Variants in MED23 observed in about 807,000 individuals in gnomAD.
The protein encoded by MED23 is mediator of RNA polymerase II transcription subunit 23.
MED23 carries 105 observed loss-of-function variants against 163.9 expected under a neutral mutation model. That is an observed-to-expected ratio of 0.64 (90% CI 0.55 to 0.75). The LOEUF is 0.75. Among genes scored for constraint, MED23 ranks in the 30% least tolerant of loss-of-function variants. The pLI is 0.00. For missense variants in MED23, 1,054 were observed against 1,649.0 expected (o/e 0.64, Z 6.25); for synonymous variants, 561 against 565.6 (o/e 0.99, Z 0.12).
chr6:131,602,563 T>C (rs1338583135), intron 16 of MED23, among the ~76,000 whole-genome samples, 182 bp from the exon 17 acceptor site: 1 of 152,204 alleles, frequency 6.6e-6, no homozygotes, highest in Non-Finnish European at 1.5e-5. Context: ...AATTTTATAG[T>C]GAAAATCGTG....
chr6:131,618,274 T>C, intron 9 of MED23, 133 bp downstream of exon 9: 2 of 734,252 alleles, frequency 2.7e-6, no homozygotes, highest in Non-Finnish European at 4.8e-6. Flanking sequence ...AATAACATGA[T>C]AAACTATAAA....
rs550128500 is a variant in MED23 at position 131,603,012 on chromosome 6, G to T, written c.1931+18C>A. 1.3e-4 allele frequency: 213 copies of T among 1,612,080 alleles called. 3 individuals are homozygous for T. In the South Asian group the frequency reaches 2.1e-3, roughly 16 times the overall value. ...TTTCTAATAAATCTTAAGGAAAGAT[G>T]GTCTTCAATGAGCTCACCAAAGATG... On this transcript the variant is annotated intron_variant, in intron 16 of 28. Coordinates refer to ENST00000368068, the MANE Select transcript of MED23 (RefSeq NM_004830.4).
chr6:131,619,842 T>C lies in MED23; in HGVS notation c.652A>G (p.Ile218Val), dbSNP rs1215722621. Residue 218 changes from isoleucine (I) to valine (V), a missense_variant, in exon 8 of 29, where the codon ATA becomes GTA. By Grantham distance (29) the Ile-to-Val change is conservative. Around this residue, in one of 11 missense-constraint regions of MED23, gnomAD observed 54 missense variants for 79.7 expected, o/e 0.68. Coordinates refer to ENST00000368068, the MANE Select transcript of MED23 (RefSeq NM_004830.4). Reference protein sequence around the residue: ...FVDTFRPTARINSICGRCSLL... With the variant: ...FVDTFRPTARVNSICGRCSLL... ...ATAATCCTACCACAAATGGAGTTTA[T>C]CCTTGCTGTGGGCCTGAAGGTATCC... 3.1e-6 allele frequency: 5 copies of C among 1,609,996 alleles called. No homozygotes were observed. The Admixed American group carries it at 8.3e-5, about 27-fold the overall frequency.
intron 30 of MED23, among the ~76,000 whole-genome samples, chr6:131,577,755 A>G (rs535523725): frequency 1.3e-5 from 2 of 152,004 alleles, no homozygotes; most frequent in South Asian, 4.2e-4. Flanking sequence ...TACAAAAAAA[A>G]ATAGCTGGGC....
At chr6:131,617,194 C>T (rs960144209) in intron 9 of MED23, among the ~76,000 whole-genome samples, 1 of 150,866 alleles carries the variant, frequency 6.6e-6, no homozygotes, top group Non-Finnish European at 1.5e-5. Context: ...AGTCATCTTA[C>T]GGCTTTCTAG....
chr6:131,619,808 T>G lies in MED23; in HGVS notation c.667+19A>C. The G allele has an allele frequency of 6.4e-7, 1 of 1,570,398 alleles. No individual in the cohort carries two copies. The highest frequency in any genetic ancestry group is 8.8e-7 in the Non-Finnish European group (1 of 1,141,098). The stretch of plus-strand genomic sequence containing the variant: ...TAAAAATCAGGTACTATTTGGCATA[T>G]TTAAAATTATAATCCTACCACAAAT... On this transcript the variant is annotated intron_variant, in intron 8 of 28. Transcript: ENST00000368068.
At position 131,615,503 on chromosome 6, in the gene MED23, C is replaced by CAAAAAAAAAAAAAAAA. The variant is rs917020235; in HGVS notation, c.876+388_876+403dup. Among the ~76,000 whole-genome samples, 14 of 14,160 alleles carry CAAAAAAAAAAAAAAAA rather than the reference C, an allele frequency of 9.9e-4. 4 individuals are homozygous for CAAAAAAAAAAAAAAAA. Among genetic ancestry groups the CAAAAAAAAAAAAAAAA allele is most frequent in the Admixed American group, 2.2e-3 (2 of 918 alleles). 9.3% of individuals were successfully genotyped at this position (14,160 alleles called of 152,430 possible). On this transcript the variant is annotated intron_variant, in intron 10 of 28. Coordinates refer to ENST00000368068, the MANE Select transcript of MED23 (RefSeq NM_004830.4). ...CCACCAAAAACAAGCAAACACACAC[C>CAAAAAAAAAAAAAAAA]AAAAAAAAAAAAAAAAAAAAAAAAA...
chr6:131,593,967 G>A (rs1217581755), intron 23 of MED23, 132 bp downstream of exon 23: 2 of 708,350 alleles, frequency 2.8e-6, no homozygotes, highest in Admixed American at 2.8e-5. Context: ...TTACAGAGAT[G>A]AAAATGGAAG....
rs767571500 is a variant in MED23, at chr6:131,594,299, T to C, written c.3032A>G (p.Tyr1011Cys). The change falls in exon 23 of 29, where the codon TAT becomes TGT. Residue 1011 changes from tyrosine (Y) to cysteine (C), a missense_variant. Around this residue, in one of 11 missense-constraint regions of MED23, gnomAD observed 362 missense variants for 471.6 expected, o/e 0.77. Coordinates refer to ENST00000368068, the MANE Select transcript of MED23 (RefSeq NM_004830.4). ...GCGGTCTCTCAGGTGCATTTCATAA[T>C]AGTGCAGAGTGTTATACAGATAAGT... The part of the protein sequence containing the change: ...PVTYLYNTLH[Y>C]YEMHLRDRAF... 1 of 1,614,098 alleles carries C rather than the reference T, an allele frequency of 6.2e-7. No homozygotes were observed. Among genetic ancestry groups the C allele is most frequent in the South Asian group, 1.1e-5 (1 of 91,078 alleles).
chr6:131,589,380 C>T, intron 28 of MED23, 85 bp downstream of exon 28: 1 of 1,339,196 alleles, frequency 7.5e-7, no homozygotes, highest in Non-Finnish European at 1.0e-6. Context: ...TAAAAATAAT[C>T]ACCCAAACCA....
intron 30 of MED23, among the ~76,000 whole-genome samples, chr6:131,577,883 G>A (rs547659026): frequency 4.2e-5 from 6 of 144,508 alleles, no homozygotes; most frequent in South Asian, 2.2e-4. Context: ...CAACCTGGGC[G>A]ACAGAGCGAG....
chr6:131,606,788 A>G (rs1436726364), intron 12 of MED23, among the ~76,000 whole-genome samples, 164 bp from the exon 13 acceptor site: 3 of 152,194 alleles, frequency 2.0e-5, no homozygotes, highest in Non-Finnish European at 4.4e-5. Context: ...TAACAGCCAT[A>G]AAATTTTGAA....
chr6:131,588,131 C>T (rs931669432), intron 28 of MED23, among the ~76,000 whole-genome samples: 3 of 152,136 alleles, frequency 2.0e-5, no homozygotes, highest in Admixed American at 6.5e-5. Context: ...CTTACAAAGG[C>T]GTATCCACTC....
chr6:131,582,117 T>C (rs1020897854), downstream of MED23, among the ~76,000 whole-genome samples: 3 of 152,198 alleles, frequency 2.0e-5, no homozygotes, highest in South Asian at 2.1e-4. Flanking sequence ...TCAGAAATAA[T>C]GTCTTTTGAA....
intron 11 of MED23, among the ~76,000 whole-genome samples, chr6:131,608,317 T>A (rs1323135855): frequency 6.6e-6 from 1 of 151,184 alleles, no homozygotes; most frequent in Non-Finnish European, 1.5e-5. Flanking sequence ...AACTAATGCA[T>A]ATAAAAATGC....
intron 30 of MED23, chr6:131,579,026 C>T: frequency 6.8e-7 from 1 of 1,466,002 alleles, no homozygotes; most frequent in Non-Finnish European, 9.4e-7. Context: ...GAATATATGC[C>T]TATTTTATAC....
chr6:131,594,229 CAG>C lies in MED23; in HGVS notation c.3100_3101del (p.Leu1034GlufsTer3). 6.2e-7 allele frequency: 1 copy of C among 1,614,156 alleles called. No individual in the cohort carries two copies. Among genetic ancestry groups the C allele is most frequent in the South Asian group, 1.1e-5 (1 of 91,084 alleles). On this transcript the variant is annotated frameshift_variant, in exon 23 of 29. Transcript: ENST00000368068. LOFTEE classifies it high-confidence loss of function. The part of the protein sequence containing the change: ...RKLVHAIIGS[L>X]KDNRPQGWCL... ...ACCAGCCCTGCGGTCGATTATCCTTCAGAGAGCCAATGATCGCATGGACGAGT... is the reference window on the plus strand; with the variant it reads ...ACCAGCCCTGCGGTCGATTATCCTTCAGAGCCAATGATCGCATGGACGAGT...
rs1160133142 is a variant in MED23, at chr6:131,579,097, CTT to C, written c.4096-4804_4096-4803del. 1.2e-6 allele frequency: 2 copies of C among 1,613,624 alleles called. No homozygotes were observed. The highest frequency in any genetic ancestry group is 2.7e-5 in the African/African-American group (2 of 74,916). Reference sequence around the variant, plus strand: ...TACTTTTTAATTTAGTAACTCAAAACTTTTTAATTTTAGAGTGTGATGTGAAG... The same window carrying C: ...TACTTTTTAATTTAGTAACTCAAAACTTTAATTTTAGAGTGTGATGTGAAG... On this transcript the variant is annotated intron_variant, in intron 30 of 30. Transcript: ENST00000354577.
At chr6:131,583,793 C>T, downstream of MED23, 1 of 1,614,078 alleles carries the variant, frequency 6.2e-7, no homozygotes, top group Non-Finnish European at 8.5e-7. Flanking sequence ...CTGGGGAAGA[C>T]ACCAGAAGAA....
Sources: gnomAD v4.1 joint callset for allele counts (sites outside exome capture counted in the v4.1 genomes callset) on GRCh38, gnomAD v4.1.1 for gene constraint, gnomAD v4.1.1 regional missense constraint, MANE v1.5 for transcripts, NCBI Gene and HGNC (gene_info 2026-07-23, HGNC 2026-07-21) for gene names.